The following NDUFB8 variants were observed in gnomAD, a reference collection of about 807,000 sequenced individuals.
NDUFB8 encodes the protein NADH:ubiquinone oxidoreductase subunit B8, also known as NADH dehydrogenase [ubiquinone] 1 beta subcomplex subunit 8, mitochondrial.
In NDUFB8, 17 loss-of-function variants were observed where a neutral mutation model predicts 26.0. The ratio of observed to expected loss-of-function variants is 0.65; its 90% confidence interval spans 0.45 to 0.98. NDUFB8 has a LOEUF of 0.98. Ranked by LOEUF, NDUFB8 falls within the 50% of genes least tolerant of loss-of-function variation. The pLI is 0.00. For synonymous variants in NDUFB8, 89 were observed against 93.1 expected, an observed-to-expected ratio of 0.96 and a Z score of 0.25; for missense variants, 238 against 255.0, an observed-to-expected ratio of 0.93 and a Z score of 0.45.
rs1852115385 is a variant in NDUFB8 at position 100,529,610 on chromosome 10, G to A, written c.86-104C>T. On this transcript the variant is annotated intron_variant, in intron 1 of 4. Coordinates refer to ENST00000299166, the MANE Select transcript of NDUFB8 (RefSeq NM_005004.4). ...GAGGTCCGAGCCCGGGACTTCGCAGGATCAGTGCGATCCTCCACCCCATTT... is the reference window on the plus strand; with the variant it reads ...GAGGTCCGAGCCCGGGACTTCGCAGAATCAGTGCGATCCTCCACCCCATTT... 6 of 1,562,518 alleles carry A rather than the reference G, an allele frequency of 3.8e-6. No individual in the cohort carries two copies. The African/African-American group carries it at 4.1e-5, about 11-fold the overall frequency.
intron 4 of NDUFB8, among the ~76,000 whole-genome samples, chr10:100,525,615 CGTGT>C (rs56705301): frequency 0.18 from 18,003 of 99,764 alleles, 3,095 homozygotes; most frequent in Middle Eastern, 0.23. Flanking sequence ...CCACCCAAAG[CGTGT>C]GTGTGTGTGT....
At chr10:100,529,296 GA>G in intron 2 of NDUFB8, 83 bp downstream of exon 2, 15 of 1,388,276 alleles carry the variant, frequency 1.1e-5, no homozygotes, top group South Asian at 3.2e-5. Flanking sequence ...GAAGGTTCGG[GA>G]AAAAGGGTCA....
In NDUFB8 at chr10:100,529,828, G is replaced by T. The variant is rs1323742319; in HGVS notation, c.24C>A (p.Val8=). MAVARAG[V]LGVQWLQRAS... The stretch of plus-strand genomic sequence containing the variant: ...CCCTTTGCAGCCACTGGACTCCCAA[G>T]ACCCCGGCCCTGGCCACCGCCATCT... The change falls in exon 1 of 5, where the codon GTC becomes GTA. Residue 8 remains valine (V), a synonymous_variant. Coordinates refer to ENST00000299166, the MANE Select transcript of NDUFB8 (RefSeq NM_005004.4). 6.2e-7 allele frequency: 1 copy of T among 1,607,356 alleles called. No homozygotes were observed. The highest frequency in any genetic ancestry group is 1.3e-5 in the African/African-American group (1 of 74,100).
intron 4 of NDUFB8, among the ~76,000 whole-genome samples, chr10:100,525,459 A>G (rs182604039): frequency 2.0e-5 from 3 of 151,620 alleles, no homozygotes; most frequent in East Asian, 1.9e-4. Context: ...GGGTTTCACT[A>G]TGTTGCCCAG....
chr10:100,524,133 G>T lies in NDUFB8; in HGVS notation c.469-204C>A. ...AAGCCTAAATTGTAAGAGAAGTGGT[G>T]CCTACACTGTGAGAGAGAAGGAGAA... On this transcript the variant is annotated intron_variant, in intron 4 of 4. Transcript: ENST00000299166. This position sits in a 1 kb window ranked among gnomAD's most constrained non-coding sequence, Gnocchi z 4.0. 6.3e-7 allele frequency: 1 copy of T among 1,576,340 alleles called. No homozygotes were observed. Among genetic ancestry groups the T allele is most frequent in the East Asian group, 2.3e-5 (1 of 43,216 alleles).
At position 100,529,506 on chromosome 10, in the gene NDUFB8, G is replaced by A. The variant is rs200405716; in HGVS notation, c.86C>T (p.Ala29Val). The change falls in exon 2 of 5, where the codon GCC (alanine) becomes GTC (valine). Residue 29 changes from alanine to valine, a missense_variant and splice_region_variant. By Grantham distance (64) the Ala-to-Val change is moderately conservative. Coordinates refer to ENST00000299166, the MANE Select transcript of NDUFB8 (RefSeq NM_005004.4). Reference protein sequence around the residue: ...RNVMPLGARTASHMTKDMFPG... With the variant: ...RNVMPLGARTVSHMTKDMFPG... Reference sequence around the variant, plus strand: ...GAACATGTCCTTGGTCATGTGGGAGGCTAGAACGCAGAAGAGAACAGGTCA... The same window carrying A: ...GAACATGTCCTTGGTCATGTGGGAGACTAGAACGCAGAAGAGAACAGGTCA... 6 of 1,611,656 alleles carry A rather than the reference G, an allele frequency of 3.7e-6. No homozygotes were observed. The highest frequency in any genetic ancestry group is 4.2e-6 in the Non-Finnish European group (5 of 1,179,396).
intron 4 of NDUFB8, among the ~76,000 whole-genome samples, chr10:100,525,615 C>CGTGTGTGTGTGTGTGTGT (rs56705301): frequency 2.0e-5 from 2 of 100,164 alleles, no homozygotes; most frequent in African/African-American, 7.6e-5. Context: ...CCACCCAAAG[C>CGTGTGTGTGTGTGTGTGT]GTGTGTGTGT....
Position 100,526,414 on chromosome 10 carries a change from A to G in NDUFB8, c.453T>C (p.Pro151=). ...GGATACTCACCACAGGCTGGTAGAC[A>G]GGGTACACGTCCCCCACCCAGCACA... The part of the protein sequence containing the change: ...IFMCWVGDVY[P]VYQPVGPKQY... Residue 151 remains proline, a synonymous_variant, in exon 4 of 5, where the codon CCT becomes CCC. Coordinates refer to ENST00000299166, the MANE Select transcript of NDUFB8 (RefSeq NM_005004.4). 6.2e-7 allele frequency: 1 copy of G among 1,600,590 alleles called. No individual in the cohort carries two copies. The highest frequency in any genetic ancestry group is 8.5e-7 in the Non-Finnish European group (1 of 1,176,446).
chr10:100,527,757 C>T (rs184476336), intron 2 of NDUFB8, among the ~76,000 whole-genome samples: 1 of 152,310 alleles, frequency 6.6e-6, no homozygotes, highest in East Asian at 1.9e-4. Context: ...TGACGGACAA[C>T]ATACACGAAG....
In NDUFB8 at chr10:100,524,935, T is replaced by C. The variant is rs1852018605; in HGVS notation, c.469-1006A>G. On this transcript the variant is annotated intron_variant, in intron 4 of 4. Transcript: ENST00000299166. The surrounding 1 kb of genome is among the most constrained non-coding windows in gnomAD (Gnocchi z 4.0). The stretch of plus-strand genomic sequence containing the variant: ...ACAGGCTCCATAAATATTTGTTCAA[T>C]TAATGCTTTATTACACCATCAAGTC... Among the ~76,000 whole-genome samples, 1 of 152,222 alleles carries C rather than the reference T, an allele frequency of 6.6e-6. No individual in the cohort carries two copies. The highest frequency in any genetic ancestry group is 2.1e-4 in the South Asian group (1 of 4,832).
rs774088787 is a variant in NDUFB8 at position 100,524,039 on chromosome 10, G to C, written c.469-110C>G. ...GTAAATGGGTACACAGTAGCCTCTG[G>C]TCAGACCCAGCTGGGCTAGGAAGGC... On this transcript the variant is annotated intron_variant, in intron 4 of 4. Transcript: ENST00000299166. This position sits in a 1 kb window ranked among gnomAD's most constrained non-coding sequence, Gnocchi z 4.0. The C allele has an allele frequency of 6.3e-7, 1 of 1,587,616 alleles. No individual in the cohort carries two copies. Among genetic ancestry groups the C allele is most frequent in the South Asian group, 1.1e-5 (1 of 87,710 alleles).
In NDUFB8 at chr10:100,523,924, TG is replaced by T. The variant is rs1014974582; in HGVS notation, c.473del (p.Pro158GlnfsTer41). 5 of 1,614,038 alleles carry T rather than the reference TG, an allele frequency of 3.1e-6. No individual in the cohort carries two copies. Among genetic ancestry groups the T allele is most frequent in the Non-Finnish European group, 4.2e-6 (5 of 1,180,032 alleles). ...DVYPVYQPVG[P>X]KQYPYNNLYL... ...ACAGATTATTGTAAGGATACTGCTT[TG>T]GTCCCTACAGAAAAAAACACAGGTC... On this transcript the variant is annotated frameshift_variant, in exon 5 of 5. Coordinates refer to ENST00000299166, the MANE Select transcript of NDUFB8 (RefSeq NM_005004.4). LOFTEE classifies it high-confidence loss of function.
chr10:100,529,856 A>C lies in NDUFB8; in HGVS notation c.-5T>G. On this transcript the variant is annotated 5_prime_UTR_variant, in exon 1 of 5. Coordinates refer to ENST00000299166, the MANE Select transcript of NDUFB8 (RefSeq NM_005004.4). ...CCCGGCCCTGGCCACCGCCATCTTC[A>C]CCTTCTTCACGTTTCCCTTCTGCAC... 4 of 1,613,456 alleles carry C rather than the reference A, an allele frequency of 2.5e-6. No individual in the cohort carries two copies. The highest frequency in any genetic ancestry group is 3.4e-6 in the Non-Finnish European group (4 of 1,179,756).
rs142073536 is a variant in NDUFB8, at chr10:100,529,834, G to C, written c.18C>G (p.Ala6=). 289 of 1,606,430 alleles carry C rather than the reference G, an allele frequency of 1.8e-4. No homozygotes were observed. The highest frequency in any genetic ancestry group is 2.4e-4 in the Non-Finnish European group (281 of 1,176,518). Residue 6 remains alanine, a synonymous_variant, in exon 1 of 5, where the codon GCC becomes GCG. Transcript: ENST00000299166. MAVAR[A]GVLGVQWLQR... is the part of the protein sequence containing the mutation. ...GCAGCCACTGGACTCCCAAGACCCC[G>C]GCCCTGGCCACCGCCATCTTCACCT...
At position 100,529,420 on chromosome 10, in the gene NDUFB8, G is replaced by A; in HGVS notation, c.172C>T (p.Arg58Cys). 1 of 1,612,444 alleles carries A rather than the reference G, an allele frequency of 6.2e-7. No individual in the cohort carries two copies. The highest frequency in any genetic ancestry group is 2.2e-5 in the East Asian group (1 of 44,776). ...RAAAAKKYNMRVEDYEPYPDD... is the reference protein window; with the variant it reads ...RAAAAKKYNMCVEDYEPYPDD... ...GGGTAAGGTTCGTAGTCTTCCACAC[G>A]CATATTATACTTCTTGGCGGCGGCG... Residue 58 changes from arginine to cysteine, a missense_variant, in exon 2 of 5, where the codon CGT becomes TGT. Transcript: ENST00000299166.
chr10:100,529,752 C>A lies in NDUFB8; in HGVS notation c.85+15G>T, dbSNP rs1852118782. 1 of 1,612,154 alleles carries A rather than the reference C, an allele frequency of 6.2e-7. No individual in the cohort carries two copies. Among genetic ancestry groups the A allele is most frequent in the Non-Finnish European group, 8.5e-7 (1 of 1,179,516 alleles). On this transcript the variant is annotated intron_variant, in intron 1 of 4. Transcript: ENST00000299166. ...ACCCCCTTCCCACACTGAGGTCTCG[C>A]CCGTTCTCGCGGACCTGTCCGTGCG...
At chr10:100,529,922 G>C (rs532014464), upstream of NDUFB8, 2 of 1,520,156 alleles carry the variant, frequency 1.3e-6, no homozygotes, top group East Asian at 2.4e-5. Context: ...CGGGCCAAAC[G>C]TGACGGAGGA....
intron 3 of NDUFB8, 171 bp from the exon 4 acceptor site, chr10:100,526,725 C>T: frequency 1.2e-6 from 1 of 851,288 alleles, no homozygotes; most frequent in African/African-American, 1.7e-5. Flanking sequence ...AGATGCTGGC[C>T]TCTGTCTAGG....
At position 100,527,037 on chromosome 10, in the gene NDUFB8, G is replaced by C. The variant is rs1240718429; in HGVS notation, c.250C>G (p.His84Asp). 1.9e-6 allele frequency: 3 copies of C among 1,614,040 alleles called. No individual in the cohort carries two copies. The highest frequency in any genetic ancestry group is 1.7e-6 in the Non-Finnish European group (2 of 1,180,024). Residue 84 changes from histidine to aspartate, a missense_variant, in exon 3 of 5, where the codon CAT (histidine) becomes GAT (aspartate). His to Asp is a moderately conservative substitution (Grantham distance 81). Transcript: ENST00000299166. ...DYPKLPDRSQ[H>D]ERDPWYSWDQ... The stretch of plus-strand genomic sequence containing the variant: ...CAGCTATACCATGGATCTCTCTCAT[G>C]CTGTGAGCGGTCAGGGAGCTTCGGG...
Sources: gnomAD v4.1 joint callset for allele counts (sites outside exome capture counted in the v4.1 genomes callset) on GRCh38, gnomAD v4.1.1 for gene constraint, Gnocchi (gnomAD v3.1) non-coding constraint, MANE v1.5 for transcripts, NCBI Gene and HGNC (gene_info 2026-07-23, HGNC 2026-07-21) for gene names.